Variants in TMC6 observed in about 807,000 individuals in gnomAD.
TMC6 encodes transmembrane channel-like protein 6.
In TMC6, 71 loss-of-function variants were observed where a neutral mutation model predicts 95.4. The ratio of observed to expected loss-of-function variants is 0.74; its 90% CI spans 0.61 to 0.91. TMC6 has a LOEUF of 0.91. Ranked by LOEUF, TMC6 falls within the 40% of genes least tolerant of loss-of-function variation. The probability of loss-of-function intolerance (pLI) is 0.00; values close to 1 mark genes in which losing one functional copy is unlikely to be tolerated. For missense variants in TMC6, 1,074 were observed against 1,079.1 expected (o/e 1.00, Z 0.07); for synonymous variants, 514 against 483.1 (o/e 1.06, Z -0.84).
Position 78,113,534 on chromosome 17 carries a change from C to T in TMC6, c.2354+14G>A. ...CAGGCTCAGAGTGTCCCCAATCCCT[C>T]CACGGACCCTCACCTGCTCCTCTCC... is the stretch of plus-strand genomic sequence containing the variant. On this transcript the variant is annotated intron_variant, in intron 19 of 19. Coordinates refer to ENST00000590602, the MANE Select transcript of TMC6 (RefSeq NM_001127198.5). 6.2e-7 allele frequency: 1 copy of T among 1,613,856 alleles called. No homozygotes were observed. Among genetic ancestry groups the T allele is most frequent in the Non-Finnish European group, 8.5e-7 (1 of 1,179,892 alleles).
chr17:78,122,520 G>C lies in TMC6; in HGVS notation c.1227+85C>G. The stretch of plus-strand genomic sequence containing the variant: ...CAGCTGGCCCTCCCTCTAGACCATG[G>C]TTCTGGTCACATGGTCCTAAGTGGA... On this transcript the variant is annotated intron_variant, in intron 10 of 19. Coordinates refer to ENST00000590602, the MANE Select transcript of TMC6 (RefSeq NM_001127198.5). This position sits in a 1 kb window ranked among gnomAD's most constrained non-coding sequence, Gnocchi z 4.9. 1 of 1,575,892 alleles carries C rather than the reference G, an allele frequency of 6.3e-7. No homozygotes were observed. The highest frequency in any genetic ancestry group is 8.6e-7 in the Non-Finnish European group (1 of 1,164,866).
rs546618933 is a variant in TMC6 at position 78,124,716 on chromosome 17, G to C, written c.699C>G (p.Ala233=). ...CGAACTGGCCCCCGATGCGCTTCAG[G>C]GCGTAGCGCCACGGCATCAGGGCCT... ...ALQALMPWRY[A]LKRIGGQFGS... The change falls in exon 8 of 20, where the codon GCC becomes GCG. Residue 233 remains alanine (A), a synonymous_variant. Coordinates refer to ENST00000590602, the MANE Select transcript of TMC6 (RefSeq NM_001127198.5). 6.3e-7 allele frequency: 1 copy of C among 1,594,490 alleles called. No individual in the cohort carries two copies. The highest frequency in any genetic ancestry group is 1.3e-5 in the African/African-American group (1 of 74,660).
At chr17:78,131,854 G>A (rs1237686003), upstream of TMC6, 1 of 1,467,988 alleles carries the variant, frequency 6.8e-7, no homozygotes, top group South Asian at 1.4e-5. Context: ...GGTGACTCAG[G>A]GGCGCCCCTG....
rs866233074 is a variant in TMC6, at chr17:78,113,211, C to G, written c.2355G>C (p.Arg785Ser). 23 of 1,553,942 alleles carry G rather than the reference C, an allele frequency of 1.5e-5. No individual in the cohort carries two copies. Among genetic ancestry groups the G allele is most frequent in the Non-Finnish European group, 1.7e-5 (20 of 1,147,796 alleles). ...CCGCAGCCTCCTCGGTTGTCCCAAC[C>G]CTGCCAGAAAGAGACATCACTGAGG... ...YERKEREERS[R>S]VGTTEEAAAP... Residue 785 changes from arginine (R) to serine (S), a missense_variant and splice_region_variant, in exon 20 of 20, where the codon AGG becomes AGC. Physicochemically the swap from Arg to Ser is moderately radical, Grantham distance 110. Transcript: ENST00000590602.
At chr17:78,132,012 G>A (rs1283451562), upstream of TMC6, 3 of 1,533,134 alleles carry the variant, frequency 2.0e-6, no homozygotes, top group Non-Finnish European at 2.6e-6. Context: ...CTGGGAGGGG[G>A]CGCTCTACGA....
At chr17:78,119,217 G>C (rs1290103943) in intron 14 of TMC6, 80 bp downstream of exon 14, 3 of 1,571,698 alleles carry the variant, frequency 1.9e-6, no homozygotes, top group Admixed American at 3.3e-5. Context: ...GCCCCAGGGG[G>C]AGGCAGGTAC....
chr17:78,121,861 T>G lies in TMC6; in HGVS notation c.1228-150A>C. On this transcript the variant is annotated intron_variant, in intron 10 of 19. Coordinates refer to ENST00000590602, the MANE Select transcript of TMC6 (RefSeq NM_001127198.5). This position sits in a 1 kb window ranked among gnomAD's most constrained non-coding sequence, Gnocchi z 5.6. The stretch of plus-strand genomic sequence containing the variant: ...CAGTTCCCCATGCCCCACCTGCCCT[T>G]TCATCTGCTGAGGGCCCTCCCTCCA... 1 of 1,066,756 alleles carries G rather than the reference T, an allele frequency of 9.4e-7. No individual in the cohort carries two copies. The highest frequency in any genetic ancestry group is 1.3e-6 in the Non-Finnish European group (1 of 757,398). The allele number at this position is 1,066,756 out of a possible 1,614,324, so 66.1% of individuals were successfully genotyped here.
At chr17:78,132,278 C>A (rs1413519673), upstream of TMC6, 4 of 1,547,222 alleles carry the variant, frequency 2.6e-6, no homozygotes, top group African/African-American at 4.1e-5. Context: ...CCACGCCGTC[C>A]GGTGGGCCCG....
rs2073722131 is a variant in TMC6, at chr17:78,107,506, C to T, written c.*5642G>A. 2 of 152,222 alleles carry T rather than the reference C, an allele frequency of 1.3e-5. No individual in the cohort carries two copies. The highest frequency in any genetic ancestry group is 4.1e-4 in the South Asian group (2 of 4,834). 9.4% of individuals were successfully genotyped at this position (152,222 alleles called of 1,614,324 possible). On this transcript the variant is annotated 3_prime_UTR_variant, in exon 20 of 20. Coordinates refer to ENST00000590602, the MANE Select transcript of TMC6 (RefSeq NM_001127198.5). ...TTTCAAAAGACACTATGGATGTCTA[C>T]TTTGCACGCTGCGATTGGGAGAGCT...
Position 78,109,142 on chromosome 17 carries a change from C to T in TMC6, c.*4006G>A, listed in dbSNP as rs1417825484. ...GTTGTTGTTGTTGCTGCTATTTTGGCAACATCACGGCAGAACGGTAAAGGC... is the reference window on the plus strand; with the variant it reads ...GTTGTTGTTGTTGCTGCTATTTTGGTAACATCACGGCAGAACGGTAAAGGC... On this transcript the variant is annotated 3_prime_UTR_variant, in exon 20 of 20. Transcript: ENST00000590602. 7.4e-6 allele frequency: 2 copies of T among 270,232 alleles called. No individual in the cohort carries two copies. Among genetic ancestry groups the T allele is most frequent in the Non-Finnish European group, 1.5e-5 (2 of 135,894 alleles). The allele number at this position is 270,232 out of a possible 1,614,324, so 16.7% of individuals were successfully genotyped here. A position where few individuals can be genotyped will look rare whatever the true frequency, so the allele number is the denominator to read the frequency against.
chr17:78,125,631 T>C, intron 5 of TMC6, 95 bp downstream of exon 5: 1 of 1,511,020 alleles, frequency 6.6e-7, no homozygotes, highest in Non-Finnish European at 8.9e-7. Flanking sequence ...CCTCTGGCTC[T>C]GCAGCACCCC....
intron 9 of TMC6, among the ~76,000 whole-genome samples, chr17:78,123,647 T>C (rs2074538650): frequency 1.6e-5 from 1 of 60,822 alleles, no homozygotes; most frequent in Non-Finnish European, 3.2e-5. Context: ...GTGAACTGAT[T>C]GGGTGAATGG....
upstream of TMC6, chr17:78,131,474 C>A: frequency 1.4e-6 from 2 of 1,445,310 alleles, no homozygotes; most frequent in Non-Finnish European, 1.9e-6. Flanking sequence ...AAGGGCCCGC[C>A]CCCAGCCCAG....
At position 78,119,549 on chromosome 17, in the gene TMC6, C is replaced by A. The variant is rs563377207; in HGVS notation, c.1716-157G>T. Among the ~76,000 whole-genome samples the A allele has an allele frequency of 7.2e-5, 11 of 152,326 alleles. No individual in the cohort carries two copies. In the South Asian group the frequency reaches 8.3e-4, roughly 11 times the overall value. The stretch of plus-strand genomic sequence containing the variant: ...GAGACAGCCACCAGCCTGGGGGACC[C>A]CACCAGGTGCTTGGTCACACCAGCC... On this transcript the variant is annotated intron_variant, in intron 13 of 19. Transcript: ENST00000590602.
rs2074076485 is a variant in TMC6 at position 78,115,883 on chromosome 17, G to A, written c.2277+1386C>T. On this transcript the variant is annotated intron_variant, in intron 18 of 19. Transcript: ENST00000590602. ...AGTGGGCACAGGGGCGAAGGGAGTG[G>A]GCACAGGGGCGAAGGGAGTGGGCAC... Among the ~76,000 whole-genome samples the A allele has an allele frequency of 2.9e-5, 4 of 140,056 alleles. No homozygotes were observed. In the South Asian group the frequency reaches 9.7e-4, roughly 34 times the overall value. The allele number at this position is 140,056 out of a possible 152,430, so 91.9% of individuals were successfully genotyped here.
At chr17:78,124,815 G>A in intron 7 of TMC6, 34 bp from the exon 8 acceptor site, 2 of 1,577,208 alleles carry the variant, frequency 1.3e-6, no homozygotes, top group Non-Finnish European at 1.7e-6. Flanking sequence ...CTGAGGGTGA[G>A]GCCGGAGGAG....
In TMC6 at chr17:78,126,744, C is replaced by G. The variant is rs762260854; in HGVS notation, c.56+33G>C. The G allele has an allele frequency of 5.0e-6, 8 of 1,612,140 alleles. No homozygotes were observed. The South Asian group carries it at 8.8e-5, about 18-fold the overall frequency. On this transcript the variant is annotated intron_variant, in intron 2 of 19. Transcript: ENST00000590602. Reference sequence around the variant, plus strand: ...ACCTCTCCGTGGGGGGTGGAACATTCCAGCCTCCAGCCCCCAGCCCCAGAG... The same window carrying G: ...ACCTCTCCGTGGGGGGTGGAACATTGCAGCCTCCAGCCCCCAGCCCCAGAG...
At chr17:78,131,681 C>G, upstream of TMC6, 1 of 1,575,162 alleles carries the variant, frequency 6.3e-7, no homozygotes, top group Non-Finnish European at 8.6e-7. Context: ...GGCTGCGCGG[C>G]TCTGGGACGC....
intron 6 of TMC6, 61 bp downstream of exon 6, chr17:78,125,097 G>A: frequency 1.3e-6 from 2 of 1,544,876 alleles, no homozygotes; most frequent in African/African-American, 1.4e-5. Flanking sequence ...ACCTAGCCCA[G>A]CTGAGGAAGT....
Sources: gnomAD v4.1 joint callset for allele counts (sites outside exome capture counted in the v4.1 genomes callset) on GRCh38, gnomAD v4.1.1 for gene constraint, Gnocchi (gnomAD v3.1) non-coding constraint, MANE v1.5 for transcripts, NCBI Gene and HGNC (gene_info 2026-07-23, HGNC 2026-07-21) for gene names.